The following DPP6 variants were observed in gnomAD, a reference collection of about 807,000 sequenced individuals.
DPP6 encodes dipeptidyl peptidase like 6, also known as A-type potassium channel modulatory protein DPP6.
A neutral mutation model predicts 122.6 loss-of-function variants in DPP6; 69 were observed. The observed-to-expected ratio is 0.56, with a 90% CI of 0.46 to 0.69. The LOEUF is 0.69. Ranked by LOEUF, DPP6 falls within the 30% of genes least tolerant of loss-of-function variation. DPP6 has a pLI of 0.00. For missense variants in DPP6, 928 were observed against 1,116.9 expected (o/e 0.83, Z 2.41); for synonymous variants, 418 against 433.1 (o/e 0.97, Z 0.43).
intron 7 of DPP6, among the ~76,000 whole-genome samples, chr7:154,692,889 G>A (rs2131225298): frequency 6.6e-6 from 1 of 150,684 alleles, no homozygotes; most frequent in Non-Finnish European, 1.5e-5. Context: ...TCAACCTCAA[G>A]CAGGTGTTCC....
intron 5 of DPP6, among the ~76,000 whole-genome samples, chr7:154,598,432 G>T (rs1482725435): frequency 6.6e-6 from 1 of 152,152 alleles, no homozygotes; most frequent in Non-Finnish European, 1.5e-5. Flanking sequence ...CCATTGTGTA[G>T]ATCCCAAATG....
chr7:154,013,289 G>A lies in DPP6; in HGVS notation c.51+125555G>A, dbSNP rs2533856. 4.6e-5 allele frequency among the ~76,000 whole-genome samples: 7 copies of A among 152,148 alleles called. No homozygotes were observed. The South Asian group carries it at 8.3e-4, about 18-fold the overall frequency. On this transcript the variant is annotated intron_variant, in intron 1 of 25. Coordinates refer to the DPP6 transcript ENST00000404039. ...CTGGTTACTCATGACTCTATTATGA[G>A]AAGAACCACAAATCTCTCCTACTTC...
the DPP6 span, among the ~76,000 whole-genome samples, chr7:153,856,461 G>A: frequency 9.9e-5 from 15 of 152,258 alleles, no homozygotes; most frequent in Admixed American, 3.3e-4. Context: ...CATTTTCATT[G>A]ACATCCTATT....
intron 8 of DPP6, among the ~76,000 whole-genome samples, chr7:154,750,576 C>G (rs28628686): frequency 0.35 from 53,674 of 152,176 alleles, 10,605 homozygotes; most frequent in African/African-American, 0.52. Context: ...CGTCCCGCAC[C>G]GGGCAGAGCT....
intron 5 of DPP6, among the ~76,000 whole-genome samples, chr7:154,620,093 G>A (rs4960551): frequency 0.061 from 9,361 of 152,268 alleles, 458 homozygotes; most frequent in East Asian, 0.27. Context: ...TGAGGACCAC[G>A]CCTTGAAAGC....
intron 1 of DPP6, among the ~76,000 whole-genome samples, chr7:153,958,181 C>T (rs1355036458): frequency 1.3e-5 from 2 of 151,868 alleles, no homozygotes; most frequent in South Asian, 2.1e-4. Context: ...AACAAAAAAA[C>T]AAGCAGATAG....
At chr7:153,763,907 C>T in the DPP6 span, among the ~76,000 whole-genome samples, 22 of 152,054 alleles carry the variant, frequency 1.4e-4, no homozygotes, top group Non-Finnish European at 2.5e-4. Flanking sequence ...GTACAAAGTA[C>T]CTTAGCAGCT....
intron 4 of DPP6, among the ~76,000 whole-genome samples, chr7:154,550,700 C>T (rs1829561662): frequency 6.6e-6 from 1 of 151,270 alleles, no homozygotes; most frequent in Admixed American, 6.6e-5. Flanking sequence ...TCTAAACATA[C>T]ACAAACACAA....
At chr7:154,051,439 GCGGGAGGGC>G (rs1185554026), upstream of DPP6, among the ~76,000 whole-genome samples, 1 of 151,184 alleles carries the variant, frequency 6.6e-6, no homozygotes. Flanking sequence ...CGGGGAGGAC[GCGGGAGGGC>G]CGGGAGGGGA....
At chr7:154,864,107 G>A (rs1253306965) in intron 17 of DPP6, among the ~76,000 whole-genome samples, 3 of 152,208 alleles carry the variant, frequency 2.0e-5, no homozygotes, top group Non-Finnish European at 4.4e-5. Context: ...CAAGGCAACA[G>A]GGAGATGCCG....
At chr7:154,365,057 C>T (rs1812039089) in intron 1 of DPP6, among the ~76,000 whole-genome samples, 1 of 152,186 alleles carries the variant, frequency 6.6e-6, no homozygotes, top group Admixed American at 6.5e-5. Flanking sequence ...CACCAAATAA[C>T]TGGCTCAACT....
chr7:154,451,519 G>T (rs187246024), intron 2 of DPP6, among the ~76,000 whole-genome samples: 66 of 152,266 alleles, frequency 4.3e-4, no homozygotes, highest in African/African-American at 1.5e-3. Flanking sequence ...TCTTCTCCAC[G>T]CACAGGGAGT....
intron 1 of DPP6, among the ~76,000 whole-genome samples, chr7:153,993,646 C>T (rs954011760): frequency 2.6e-5 from 4 of 152,096 alleles, no homozygotes; most frequent in African/African-American, 9.7e-5. Context: ...AACAGGTCAA[C>T]CAAGGCTAGA....
At chr7:154,036,010 G>GCA (rs1563120429) in intron 1 of DPP6, among the ~76,000 whole-genome samples, 25 of 9,202 alleles carry the variant, frequency 2.7e-3, no homozygotes, top group South Asian at 0.018. Flanking sequence ...CCAGGATTAC[G>GCA]CGCGCGCGCT....
At chr7:154,355,008 C>T (rs554991169) in intron 1 of DPP6, among the ~76,000 whole-genome samples, 1 of 152,280 alleles carries the variant, frequency 6.6e-6, no homozygotes, top group Admixed American at 6.5e-5. Context: ...CTCTCCTCAC[C>T]TGCCCTTGGG....
At chr7:153,834,957 C>T in the DPP6 span, among the ~76,000 whole-genome samples, 1 of 152,146 alleles carries the variant, frequency 6.6e-6, no homozygotes, top group Non-Finnish European at 1.5e-5. Flanking sequence ...CAAGGCTCCT[C>T]TTGAGGAATG....
At chr7:154,202,694 T>C (rs1226236821) in intron 1 of DPP6, among the ~76,000 whole-genome samples, 1 of 152,178 alleles carries the variant, frequency 6.6e-6, no homozygotes, top group Non-Finnish European at 1.5e-5. Flanking sequence ...CCGGGGCCAC[T>C]GGGCCCTGTT....
At chr7:154,734,608 C>T (rs478414) in intron 8 of DPP6, among the ~76,000 whole-genome samples, 74,524 of 152,084 alleles carry the variant, frequency 0.49, 18,707 homozygotes, top group South Asian at 0.67. Flanking sequence ...TTATTGATTA[C>T]ATCTCTTATT....
chr7:154,583,691 T>G (rs1170013104), intron 5 of DPP6, among the ~76,000 whole-genome samples: 2 of 152,176 alleles, frequency 1.3e-5, no homozygotes, highest in African/African-American at 4.8e-5. Context: ...GATCTGCATA[T>G]GATTCGTGCG....
Sources: allele counts gnomAD v4.1 joint callset (sites outside exome capture counted in the v4.1 genomes callset), GRCh38; gene constraint gnomAD v4.1.1; transcripts MANE v1.5; gene names NCBI Gene and HGNC (gene_info 2026-07-23, HGNC 2026-07-21).